Variants in CUX1 observed in about 807,000 individuals in gnomAD.
The protein encoded by CUX1 is cut like homeobox 1, also known as protein CASP.
CUX1 carries 31 observed loss-of-function variants against 158.8 expected under a neutral mutation model. The ratio of observed to expected loss-of-function variants is 0.20; its 90% CI spans 0.15 to 0.26. The LOEUF (loss-of-function observed/expected upper bound fraction) is 0.26. Among genes scored for constraint, CUX1 ranks in the 10% least tolerant of loss-of-function variants. The probability of loss-of-function intolerance (pLI) is 1.00; values close to 1 mark genes in which losing one functional copy is unlikely to be tolerated. For missense variants in CUX1, 1,589 were observed against 2,014.6 expected, an observed-to-expected ratio of 0.79 and a Z score of 4.04; for synonymous variants, 879 against 862.1, an observed-to-expected ratio of 1.02 and a Z score of -0.34.
At chr7:102,151,727 CAAAAAAAAAAAAAAAA>C (rs1159017025) in intron 8 of CUX1, among the ~76,000 whole-genome samples, 11 of 38,878 alleles carry the variant, frequency 2.8e-4, no homozygotes, top group South Asian at 3.8e-3. Context: ...GACTCTGTCT[CAAAAAAAAAAAAAAAA>C]AAAAAAAAAA....
rs1471135896 is a variant in CUX1 at position 102,083,884 on chromosome 7, AAT to A, written c.268+13468_268+13469del. On this transcript the variant is annotated intron_variant, in intron 4 of 23. Transcript: ENST00000292535. Reference sequence around the variant, plus strand: ...ATATTTTCTTTTTTAAAAAATCTACAATGTTTATTTTATTATTATTATTTTTA... The same window carrying A: ...ATATTTTCTTTTTTAAAAAATCTACAGTTTATTTTATTATTATTATTTTTA... 1.4e-5 allele frequency among the ~76,000 whole-genome samples: 2 copies of A among 146,554 alleles called. 1 individual carries two copies. The highest frequency in any genetic ancestry group is 3.1e-5 in the Non-Finnish European group (2 of 65,018).
In CUX1 at chr7:102,195,497, C is replaced by T. The variant is rs782162287; in HGVS notation, c.1126-10C>T. 5 of 1,608,090 alleles carry T rather than the reference C, an allele frequency of 3.1e-6. No individual in the cohort carries two copies. The Admixed American group carries it at 6.7e-5, about 22-fold the overall frequency. On this transcript the variant is annotated splice_polypyrimidine_tract_variant and intron_variant, in intron 13 of 23. Coordinates refer to ENST00000292535, the MANE Select transcript of CUX1 (RefSeq NM_181552.4). The stretch of plus-strand genomic sequence containing the variant: ...GCCCCGCAGTGAGACCCCCGCTCTG[C>T]CCCTTCTAGGATGCGGCCAAGCCCC...
chr7:102,160,179 A>T (rs1182537201), intron 9 of CUX1, among the ~76,000 whole-genome samples: 2 of 119,592 alleles, frequency 1.7e-5, no homozygotes, highest in African/African-American at 7.2e-5. Context: ...AATCTGTCTA[A>T]AAAAAAAAAA....
chr7:102,226,427 C>T (rs1055266280), intron 20 of CUX1, among the ~76,000 whole-genome samples: 9 of 152,168 alleles, frequency 5.9e-5, no homozygotes, highest in African/African-American at 1.7e-4. Context: ...GTTCTCTGCT[C>T]TTCACAACAA....
At chr7:101,876,346 A>C (rs1026597545) in intron 1 of CUX1, among the ~76,000 whole-genome samples, 12 of 151,360 alleles carry the variant, frequency 7.9e-5, no homozygotes, top group Non-Finnish European at 1.3e-4. Flanking sequence ...AAAAAACAAA[A>C]AAAAAACCTG....
At chr7:102,093,878 G>A (rs1173959812) in intron 4 of CUX1, among the ~76,000 whole-genome samples, 4 of 152,196 alleles carry the variant, frequency 2.6e-5, no homozygotes, top group African/African-American at 9.6e-5. Context: ...AGGGGTTACC[G>A]GATTTTGTGT....
intron 23 of CUX1, 61 bp downstream of exon 23, chr7:102,239,645 G>C (rs1422865710): frequency 7.7e-6 from 12 of 1,552,612 alleles, no homozygotes; most frequent in Non-Finnish European, 1.0e-5. Flanking sequence ...GATCTGTCCG[G>C]AGGCCGCCAT....
At chr7:102,219,766 C>T (rs1180449665) in intron 20 of CUX1, among the ~76,000 whole-genome samples, 2 of 152,208 alleles carry the variant, frequency 1.3e-5, no homozygotes, top group African/African-American at 4.8e-5. Flanking sequence ...GCTAAAGTCG[C>T]TGCATATTTT....
chr7:102,173,419 T>C (rs1367093591), intron 10 of CUX1, among the ~76,000 whole-genome samples: 3 of 152,194 alleles, frequency 2.0e-5, no homozygotes, highest in Non-Finnish European at 2.9e-5. Context: ...AAGATTTGCA[T>C]TGAGCAGGCC....
intron 20 of CUX1, 78 bp downstream of exon 20, chr7:102,205,248 G>A (rs190154387): frequency 7.5e-5 from 82 of 1,100,516 alleles, no homozygotes; most frequent in Admixed American, 6.8e-4. Context: ...GGTCTGTCCC[G>A]GCGAGACTCC....
chr7:102,107,973 G>A (rs1830540792), intron 6 of CUX1, among the ~76,000 whole-genome samples: 1 of 152,300 alleles, frequency 6.6e-6, no homozygotes, highest in East Asian at 1.9e-4. Context: ...GTCAAGGCTC[G>A]GACAGATGGG....
intron 2 of CUX1, among the ~76,000 whole-genome samples, chr7:102,002,661 C>G (rs1341225709): frequency 6.6e-6 from 1 of 152,164 alleles, no homozygotes; most frequent in Non-Finnish European, 1.5e-5. Flanking sequence ...GAAGCAAGGT[C>G]CCACTTGGGA....
chr7:102,014,197 C>T lies in CUX1; in HGVS notation c.142-13901C>T, dbSNP rs190049154. Among the ~76,000 whole-genome samples, 6 of 152,254 alleles carry T rather than the reference C, an allele frequency of 3.9e-5. No homozygotes were observed. In the East Asian group the frequency reaches 9.7e-4, roughly 25 times the overall value. ...ACAAGAGACCGACCTCTGTGGCCTTCGAAGCGGGTTGCTGTTAGACACACC... is the reference window on the plus strand; with the variant it reads ...ACAAGAGACCGACCTCTGTGGCCTTTGAAGCGGGTTGCTGTTAGACACACC... On this transcript the variant is annotated intron_variant, in intron 2 of 23. Coordinates refer to ENST00000292535, the MANE Select transcript of CUX1 (RefSeq NM_181552.4).
chr7:101,856,328 G>A lies in CUX1; in HGVS notation c.30+38659G>A, dbSNP rs557262985. On this transcript the variant is annotated intron_variant, in intron 1 of 23. Transcript: ENST00000292535. The stretch of plus-strand genomic sequence containing the variant: ...CATAATAACCAGAATGTTATTCCAC[G>A]GTTGCGGTTTGTTTATTTCATCAGA... Among the ~76,000 whole-genome samples, 44 of 152,092 alleles carry A rather than the reference G, an allele frequency of 2.9e-4. 1 individual carries two copies. The highest frequency in any genetic ancestry group is 5.0e-4 in the Non-Finnish European group (34 of 68,004).
chr7:101,820,311 G>C (rs917314535), intron 1 of CUX1, among the ~76,000 whole-genome samples: 16 of 152,214 alleles, frequency 1.1e-4, no homozygotes, highest in Non-Finnish European at 1.9e-4. Context: ...CGTAAGCAGA[G>C]AAATTCATCA....
intron 2 of CUX1, among the ~76,000 whole-genome samples, chr7:102,003,552 C>A (rs910920290): frequency 1.3e-5 from 2 of 152,138 alleles, no homozygotes; most frequent in African/African-American, 4.8e-5. Context: ...AAGGAAGGGG[C>A]TCCTGTACCA....
chr7:101,834,961 A>G (rs1260882219), intron 1 of CUX1, among the ~76,000 whole-genome samples: 1 of 151,926 alleles, frequency 6.6e-6, no homozygotes, highest in Non-Finnish European at 1.5e-5. Context: ...TCGCCACTGC[A>G]CTCCAGCCTG....
chr7:102,248,578 A>C lies in CUX1; in HGVS notation c.4054A>C (p.Thr1352Pro). 2.7e-6 allele frequency: 4 copies of C among 1,485,052 alleles called. No individual in the cohort carries two copies. Among genetic ancestry groups the C allele is most frequent in the Non-Finnish European group, 3.6e-6 (4 of 1,122,264 alleles). The allele number at this position is 1,485,052 out of a possible 1,614,324, so 92.0% of individuals were successfully genotyped here. A position where few individuals can be genotyped will look rare whatever the true frequency, so the allele number is the denominator to read the frequency against. Reference sequence around the variant, plus strand: ...CACTGAGGGCCCAGGCAGCGCCGACACCGAGGAGCCCAAGTCTCAGGGAGA... The same window carrying C: ...CACTGAGGGCCCAGGCAGCGCCGACCCCGAGGAGCCCAAGTCTCAGGGAGA... ...EATEGPGSAD[T>P]EEPKSQGEAE... Residue 1352 changes from threonine to proline, a missense_variant, in exon 24 of 24, where the codon ACC (threonine) becomes CCC (proline). Thr to Pro is a conservative substitution (Grantham distance 38). This residue lies in a region of CUX1 where 344 missense variants were observed against 323.7 expected (regional missense o/e 1.06). Transcript: ENST00000292535. The surrounding 1 kb of genome is among the most constrained non-coding windows in gnomAD (Gnocchi z 5.8).
In CUX1 at chr7:102,256,475, C is replaced by G. The variant is rs115804333; in HGVS notation, c.*7433C>G. The G allele has an allele frequency of 4.1e-6, 4 of 985,404 alleles. No individual in the cohort carries two copies. In the African/African-American group the frequency reaches 7.0e-5, roughly 17 times the overall value. The allele number at this position is 985,404 out of a possible 1,614,324, so 61.0% of individuals were successfully genotyped here. A position where few individuals can be genotyped will look rare whatever the true frequency, so the allele number is the denominator to read the frequency against. Reference sequence around the variant, plus strand: ...GCCTTCCTCTCCTCCCCTACTCCCCCAGAGAACCAAGGCGTCTGGGGGATT... The same window carrying G: ...GCCTTCCTCTCCTCCCCTACTCCCCGAGAGAACCAAGGCGTCTGGGGGATT... On this transcript the variant is annotated 3_prime_UTR_variant, in exon 24 of 24. Transcript: ENST00000292535.
Sources: gnomAD v4.1 joint callset for allele counts (sites outside exome capture counted in the v4.1 genomes callset) on GRCh38, gnomAD v4.1.1 for gene constraint, gnomAD v4.1.1 regional missense constraint, Gnocchi (gnomAD v3.1) non-coding constraint, MANE v1.5 for transcripts, NCBI Gene and HGNC (gene_info 2026-07-23, HGNC 2026-07-21) for gene names.